Variants in TNRC6B observed in about 807,000 individuals in gnomAD.
TNRC6B encodes trinucleotide repeat containing adaptor 6B.
TNRC6B carries 52 observed loss-of-function variants against 203.6 expected under a neutral mutation model. The ratio of observed to expected loss-of-function variants is 0.26; its 90% confidence interval spans 0.20 to 0.32. The LOEUF (loss-of-function observed/expected upper bound fraction) is 0.32, where lower values mean the gene tolerates loss of function less well. TNRC6B is among the 10% of genes least tolerant of loss of function. The probability of loss-of-function intolerance (pLI) is 1.00; values close to 1 mark genes in which losing one functional copy is unlikely to be tolerated. For missense variants in TNRC6B, 1,923 were observed against 2,286.2 expected (o/e 0.84, Z 3.24); for synonymous variants, 838 against 845.7 (o/e 0.99, Z 0.16).
chr22:40,098,426 A>G (rs898434007), intron 1 of TNRC6B, among the ~76,000 whole-genome samples: 5 of 150,840 alleles, frequency 3.3e-5, no homozygotes, highest in African/African-American at 1.2e-4. Context: ...TACTATATCA[A>G]AGAGATGCAT....
chr22:40,312,850 G>C, intron 18 of TNRC6B, 52 bp from the exon 19 acceptor site: 11 of 1,546,552 alleles, frequency 7.1e-6, no homozygotes, highest in Admixed American at 1.7e-5. Context: ...GGTTTCACTG[G>C]TTATACTGAC....
intron 12 of TNRC6B, among the ~76,000 whole-genome samples, chr22:40,288,775 T>A (rs1343001268): frequency 6.6e-6 from 1 of 150,402 alleles, no homozygotes; most frequent in Admixed American, 6.6e-5. Flanking sequence ...ACTCCTGACC[T>A]CCTGATCCAC....
intron 1 of TNRC6B, among the ~76,000 whole-genome samples, chr22:40,218,206 A>G (rs543555301): frequency 3.9e-5 from 6 of 151,978 alleles, no homozygotes; most frequent in African/African-American, 7.2e-5. Context: ...ATTTTTTTAT[A>G]TAATAACTCA....
chr22:40,264,078 T>A (rs2070431793), intron 4 of TNRC6B, among the ~76,000 whole-genome samples: 1 of 152,180 alleles, frequency 6.6e-6, no homozygotes, highest in Admixed American at 6.5e-5. Context: ...TTTCACTGTG[T>A]GAATTCAGCA....
At chr22:40,197,671 A>G (rs1216794023) in intron 1 of TNRC6B, among the ~76,000 whole-genome samples, 1 of 148,480 alleles carries the variant, frequency 6.7e-6, no homozygotes, top group Admixed American at 6.8e-5. Context: ...GGTGCGATTC[A>G]TAGTTCAGTG....
rs188385438 is a variant in TNRC6B at position 40,276,826 on chromosome 22, A to C, written c.3142-251A>C. 627 of 322,934 alleles carry C rather than the reference A, an allele frequency of 1.9e-3. 3 individuals carry two copies. Among genetic ancestry groups the C allele is most frequent in the African/African-American group, 0.011 (496 of 47,036 alleles). The allele number at this position is 322,934 out of a possible 1,614,324, so 20.0% of individuals were successfully genotyped here. On this transcript the variant is annotated intron_variant, in intron 7 of 22. Transcript: ENST00000454349. ...GACTTCTTTCTATTTGAAAAGCAAAAGTACCAGCTGAGCATGTATTTTTCC... is the reference window on the plus strand; with the variant it reads ...GACTTCTTTCTATTTGAAAAGCAAACGTACCAGCTGAGCATGTATTTTTCC...
At position 40,312,961 on chromosome 22, in the gene TNRC6B, T is replaced by C. The variant is rs1452538763; in HGVS notation, c.4642T>C (p.Ser1548Pro). ...PSPGAWPYSA[S>P]DNSFTNVHST... ...ACCTGGTGCCTGGCCCTACAGTGCC[T>C]CTGACAACTCCTTTACCAACGTTCA... The change falls in exon 19 of 23, where the codon TCT becomes CCT. Residue 1548 changes from serine to proline, a missense_variant. By Grantham distance (74) the Ser-to-Pro change is moderately conservative. Transcript: ENST00000454349. The C allele has an allele frequency of 6.2e-7, 1 of 1,613,752 alleles. No individual in the cohort carries two copies. Among genetic ancestry groups the C allele is most frequent in the African/African-American group, 1.3e-5 (1 of 74,928 alleles).
intron 3 of TNRC6B, among the ~76,000 whole-genome samples, chr22:40,127,549 C>T (rs1199022245): frequency 3.9e-5 from 6 of 152,106 alleles, no homozygotes; most frequent in Admixed American, 1.3e-4. Context: ...TACACCCTTC[C>T]TCAAGATCCT....
chr22:40,172,293 T>C (rs143322958), intron 4 of TNRC6B, among the ~76,000 whole-genome samples: 1 of 152,370 alleles, frequency 6.6e-6, no homozygotes, highest in East Asian at 1.9e-4. Context: ...AAACTGCTTA[T>C]TCCCTTCTCA....
At chr22:40,056,904 A>G (rs1300941883) in intron 1 of TNRC6B, among the ~76,000 whole-genome samples, 1 of 152,178 alleles carries the variant, frequency 6.6e-6, no homozygotes, top group Non-Finnish European at 1.5e-5. Flanking sequence ...AGATGGTAGC[A>G]GATTTGATGG....
chr22:40,258,071 CTTTTT>C (rs56078653), intron 3 of TNRC6B, among the ~76,000 whole-genome samples: 34 of 28,714 alleles, frequency 1.2e-3, no homozygotes, highest in Non-Finnish European at 2.1e-3. Context: ...GATACACAGC[CTTTTT>C]TTTTTTTTTT....
At chr22:40,308,433 G>T in intron 15 of TNRC6B, 79 bp from the exon 16 acceptor site, 1 of 1,516,314 alleles carries the variant, frequency 6.6e-7, no homozygotes, top group Non-Finnish European at 9.2e-7. Flanking sequence ...AATGACACTT[G>T]AAGGCATTCC....
chr22:40,244,679 G>C (rs367589615), intron 1 of TNRC6B, among the ~76,000 whole-genome samples: 4 of 152,224 alleles, frequency 2.6e-5, no homozygotes, highest in East Asian at 1.9e-4. Flanking sequence ...TCAGCCTTAT[G>C]CTAGGTGATA....
rs145443772 is a variant in TNRC6B, at chr22:40,127,153, A to C, written c.45+1291A>C. Reference sequence around the variant, plus strand: ...CTTAACATAGTTACATGAGACCCTTAGTATTACTTTTACTTCCCTCTCTGT... The same window carrying C: ...CTTAACATAGTTACATGAGACCCTTCGTATTACTTTTACTTCCCTCTCTGT... On this transcript the variant is annotated intron_variant, in intron 3 of 23. Coordinates refer to the TNRC6B transcript ENST00000301923. 2.5e-3 allele frequency among the ~76,000 whole-genome samples: 379 copies of C among 152,112 alleles called. 5 individuals carry two copies. Among genetic ancestry groups the C allele is most frequent in the Admixed American group, 8.7e-3 (133 of 15,264 alleles).
intron 3 of TNRC6B, among the ~76,000 whole-genome samples, chr22:40,141,165 GTTAAC>G (rs765615032): frequency 6.3e-5 from 8 of 127,504 alleles, no homozygotes; most frequent in African/African-American, 1.2e-4. Context: ...GCACAGTGGA[GTTAAC>G]TTCTTTCCAT....
intron 1 of TNRC6B, among the ~76,000 whole-genome samples, chr22:40,244,713 T>C (rs1416014528): frequency 6.6e-6 from 1 of 152,230 alleles, no homozygotes; most frequent in Non-Finnish European, 1.5e-5. Flanking sequence ...GGATTTGTTA[T>C]CTGTTCGGTA....
chr22:40,220,193 A>G (rs2069689447), intron 1 of TNRC6B, among the ~76,000 whole-genome samples: 1 of 152,026 alleles, frequency 6.6e-6, no homozygotes, highest in South Asian at 2.1e-4. Context: ...TATACTGCTT[A>G]CTCTGGGCTT....
chr22:40,245,363 T>C (rs2070091900), intron 1 of TNRC6B, among the ~76,000 whole-genome samples: 1 of 152,100 alleles, frequency 6.6e-6, no homozygotes, highest in Non-Finnish European at 1.5e-5. Context: ...AGTGCTGGGA[T>C]TACAGGCGTA....
intron 1 of TNRC6B, among the ~76,000 whole-genome samples, chr22:40,075,205 T>C (rs1160818688): frequency 1.4e-5 from 2 of 142,082 alleles, no homozygotes; most frequent in East Asian, 4.2e-4. Flanking sequence ...TCTACATTGA[T>C]ATAATGTAGT....
Sources: allele counts gnomAD v4.1 joint callset (sites outside exome capture counted in the v4.1 genomes callset), GRCh38; gene constraint gnomAD v4.1.1; transcripts MANE v1.5; gene names NCBI Gene and HGNC (gene_info 2026-07-23, HGNC 2026-07-21).